Variants in CTNNA2 observed in about 807,000 individuals in gnomAD.
The protein encoded by CTNNA2 is catenin alpha-2.
A neutral mutation model predicts 101.0 loss-of-function variants in CTNNA2; 42 were observed. The observed-to-expected ratio is 0.42, with a 90% CI of 0.32 to 0.54. The LOEUF (loss-of-function observed/expected upper bound fraction) is 0.54, where lower values mean the gene tolerates loss of function less well. CTNNA2 is among the 20% of genes least tolerant of loss of function. CTNNA2 has a pLI of 0.14. For missense variants in CTNNA2, 871 were observed against 1,223.1 expected (o/e 0.71, Z 4.29); for synonymous variants, 450 against 456.4 (o/e 0.99, Z 0.18).
intron 7 of CTNNA2, among the ~76,000 whole-genome samples, chr2:79,942,790 A>G (rs767086920): frequency 2.6e-5 from 4 of 152,288 alleles, no homozygotes; most frequent in Admixed American, 2.0e-4. Context: ...ATTTTCCTGC[A>G]TCCTATCCTT....
intron 2 of CTNNA2, among the ~76,000 whole-genome samples, chr2:79,689,183 A>C (rs1458887334): frequency 6.6e-6 from 1 of 151,888 alleles, no homozygotes; most frequent in Non-Finnish European, 1.5e-5. Context: ...CACTTTAAAA[A>C]AGCAGAAGTA....
intron 9 of CTNNA2, among the ~76,000 whole-genome samples, chr2:80,425,236 T>C (rs1680888580): frequency 6.6e-6 from 1 of 152,204 alleles, no homozygotes; most frequent in Non-Finnish European, 1.5e-5. Context: ...AGCAGGCAAG[T>C]GGGTCTCTTG....
intron 1 of CTNNA2, among the ~76,000 whole-genome samples, chr2:79,190,328 C>T (rs1476497118): frequency 6.6e-6 from 1 of 151,866 alleles, no homozygotes; most frequent in Non-Finnish European, 1.5e-5. Flanking sequence ...AGCTTAGTTC[C>T]CTGTAGTTTC....
At chr2:80,120,617 G>A (rs1453232072) in intron 7 of CTNNA2, among the ~76,000 whole-genome samples, 1 of 152,132 alleles carries the variant, frequency 6.6e-6, no homozygotes, top group Admixed American at 6.6e-5. Flanking sequence ...TTTGCTATTT[G>A]GGTGAATGAA....
intron 7 of CTNNA2, among the ~76,000 whole-genome samples, chr2:80,094,732 A>T (rs1350627214): frequency 6.6e-6 from 1 of 152,074 alleles, no homozygotes; most frequent in African/African-American, 2.4e-5. Flanking sequence ...ATCCCTTGTA[A>T]GTTGGATTCC....
intron 7 of CTNNA2, among the ~76,000 whole-genome samples, chr2:80,295,716 G>T (rs979878251): frequency 1.3e-5 from 2 of 152,124 alleles, no homozygotes; most frequent in East Asian, 3.9e-4. Flanking sequence ...ATGATCCCAG[G>T]CATGTAAATG....
chr2:80,129,291 A>C (rs987640334), intron 7 of CTNNA2, among the ~76,000 whole-genome samples: 4 of 152,196 alleles, frequency 2.6e-5, no homozygotes, highest in African/African-American at 9.6e-5. Flanking sequence ...GGGGTCCCGC[A>C]TTAAGCAGGA....
intron 7 of CTNNA2, among the ~76,000 whole-genome samples, chr2:80,370,325 T>C (rs1675328038): frequency 6.6e-6 from 1 of 151,996 alleles, no homozygotes; most frequent in Non-Finnish European, 1.5e-5. Context: ...TAGTGAAATA[T>C]TACCAACAAT....
chr2:80,293,328 T>C (rs1048081036), intron 7 of CTNNA2, among the ~76,000 whole-genome samples: 6 of 152,220 alleles, frequency 3.9e-5, no homozygotes, highest in Non-Finnish European at 8.8e-5. Context: ...ACAATATCTC[T>C]AAGATAGAGA....
At chr2:79,648,821 G>A (rs1448486192) in intron 1 of CTNNA2, among the ~76,000 whole-genome samples, 1 of 152,144 alleles carries the variant, frequency 6.6e-6, no homozygotes, top group Non-Finnish European at 1.5e-5. Context: ...CCTGGTTTTA[G>A]TCTCAACTGT....
At chr2:80,645,219 C>T (rs1290867222) in intron 18 of CTNNA2, among the ~76,000 whole-genome samples, 1 of 152,078 alleles carries the variant, frequency 6.6e-6, no homozygotes, top group Non-Finnish European at 1.5e-5. Context: ...TTTTTGAAAC[C>T]TGACAGACTT....
intron 7 of CTNNA2, among the ~76,000 whole-genome samples, chr2:79,992,571 T>C (rs1004215993): frequency 6.6e-6 from 1 of 152,212 alleles, no homozygotes; most frequent in Non-Finnish European, 1.5e-5. Context: ...AGCTCAGACC[T>C]AATGTAAGAT....
At chr2:80,290,416 GA>G (rs979637934) in intron 7 of CTNNA2, among the ~76,000 whole-genome samples, 1 of 151,622 alleles carries the variant, frequency 6.6e-6, no homozygotes, top group Non-Finnish European at 1.5e-5. Flanking sequence ...CCGTGGGTAA[GA>G]AAAAAAACAG....
intron 2 of CTNNA2, among the ~76,000 whole-genome samples, chr2:79,218,872 G>T (rs1459108332): frequency 6.6e-6 from 1 of 152,076 alleles, no homozygotes; most frequent in Non-Finnish European, 1.5e-5. Context: ...GGCAATTTTT[G>T]ATTGATACTT....
intron 5 of CTNNA2, among the ~76,000 whole-genome samples, chr2:79,507,000 GA>G (rs2103814117): frequency 6.6e-6 from 1 of 152,282 alleles, no homozygotes; most frequent in Admixed American, 6.5e-5. Flanking sequence ...TTGGGTCTCA[GA>G]AAGGGAATCT....
intron 7 of CTNNA2, among the ~76,000 whole-genome samples, chr2:80,017,006 G>A (rs1694197092): frequency 6.6e-6 from 1 of 152,190 alleles, no homozygotes; most frequent in Admixed American, 6.5e-5. Flanking sequence ...ATAAGGAACA[G>A]GATCCTGATT....
chr2:80,147,911 G>C (rs1703450348), intron 7 of CTNNA2, among the ~76,000 whole-genome samples: 1 of 152,254 alleles, frequency 6.6e-6, no homozygotes, highest in African/African-American at 2.4e-5. Context: ...GGATGTACAG[G>C]GGAAAGTTTT....
At chr2:79,296,043 A>G (rs1009227549) in intron 2 of CTNNA2, among the ~76,000 whole-genome samples, 1 of 152,054 alleles carries the variant, frequency 6.6e-6, no homozygotes, top group African/African-American at 2.4e-5. Context: ...CATTCCTACT[A>G]TGCTTATAAA....
At chr2:80,075,569 TAAA>T (rs530432808) in intron 7 of CTNNA2, among the ~76,000 whole-genome samples, 4 of 130,044 alleles carry the variant, frequency 3.1e-5, no homozygotes, top group Non-Finnish European at 6.4e-5. Flanking sequence ...ATAAATATTA[TAAA>T]ATAATATTTA....
Sources: gnomAD v4.1 joint callset for allele counts (sites outside exome capture counted in the v4.1 genomes callset) on GRCh38, gnomAD v4.1.1 for gene constraint, MANE v1.5 for transcripts, NCBI Gene and HGNC (gene_info 2026-07-23, HGNC 2026-07-21) for gene names.